Variants in NAV2 observed in about 807,000 individuals in gnomAD.
The protein encoded by NAV2 is helicase, APC down-regulated 1.
In NAV2, 54 loss-of-function variants were observed where a neutral mutation model predicts 223.2. That is an observed-to-expected ratio of 0.24 (90% CI 0.19 to 0.30). The LOEUF is 0.30. NAV2 is among the 10% of genes least tolerant of loss of function. NAV2 has a pLI of 1.00. For missense variants in NAV2, 2,806 were observed against 3,147.5 expected (o/e 0.89, Z 2.60); for synonymous variants, 1,279 against 1,239.3 (o/e 1.03, Z -0.67).
rs1849067694 is a variant in NAV2, at chr11:19,386,980, C to T, written c.75+35953C>T. 3.3e-5 allele frequency among the ~76,000 whole-genome samples: 5 copies of T among 152,248 alleles called. No individual in the cohort carries two copies. In the South Asian group the frequency reaches 1.0e-3, roughly 32 times the overall value. ...CTGGGAGCTGCTTATCAAGGCTACA[C>T]AGGTGGTTACTGCCTGATCCAGGAC... On this transcript the variant is annotated intron_variant, in intron 1 of 37. Transcript: ENST00000360655.
At chr11:19,629,542 GACACACAC>G (rs10604730) in intron 1 of NAV2, among the ~76,000 whole-genome samples, 8 of 134,710 alleles carry the variant, frequency 5.9e-5, no homozygotes, top group African/African-American at 2.1e-4. Flanking sequence ...CTCTCTCTCT[GACACACAC>G]ACACACACAC....
At chr11:19,511,618 C>G (rs189284498) in intron 1 of NAV2, 4 of 152,320 alleles carry the variant, frequency 2.6e-5, no homozygotes, top group Admixed American at 6.5e-5. Flanking sequence ...CTTTCTGGTC[C>G]GTAAAGCCTC....
In NAV2 at chr11:19,693,915, C is replaced by T. The variant is rs948294087; in HGVS notation, c.76-138569C>T. 4.6e-5 allele frequency among the ~76,000 whole-genome samples: 7 copies of T among 152,150 alleles called. No homozygotes were observed. In the East Asian group the frequency reaches 7.7e-4, roughly 17 times the overall value. On this transcript the variant is annotated intron_variant, in intron 1 of 37. Transcript: ENST00000360655. ...ATTGGACTGTAAAATATCATTAGGC[C>T]GATGTATAGGAAATCACCATTTTTG...
chr11:19,747,524 A>T (rs77288021), intron 1 of NAV2, among the ~76,000 whole-genome samples: 1,717 of 152,320 alleles, frequency 0.011, 33 homozygotes, highest in African/African-American at 0.039. Context: ...CTCACACAGG[A>T]CAGTAGTCAG....
intron 24 of NAV2, among the ~76,000 whole-genome samples, chr11:20,079,524 TTAGTC>T (rs1280274426): frequency 6.6e-6 from 1 of 152,178 alleles, no homozygotes; most frequent in Non-Finnish European, 1.5e-5. Flanking sequence ...TCGGTGTTGT[TTAGTC>T]TATTGGGCCT....
rs138224713 is a variant in NAV2 at position 19,751,902 on chromosome 11, G to T, written c.267+37940G>T. 7.2e-3 allele frequency among the ~76,000 whole-genome samples: 1,093 copies of T among 152,124 alleles called. 29 individuals carry two copies. The highest frequency in any genetic ancestry group is 3.8e-3 in the Non-Finnish European group (256 of 67,994). On this transcript the variant is annotated intron_variant, in intron 1 of 37. Transcript: ENST00000349880. The stretch of plus-strand genomic sequence containing the variant: ...ACCTTTCTTAGACTTGACCCAGGTG[G>T]TCAACTACTAGCTCACACATTCACC...
Position 20,085,316 on chromosome 11 carries a change from T to C in NAV2, c.5498+2137T>C, listed in dbSNP as rs1203750382. ...TTCACTCTGAAGGCCCCATTCTCAGTTGTGGTTACGATAAAGTACAACACA... is the reference window on the plus strand; with the variant it reads ...TTCACTCTGAAGGCCCCATTCTCAGCTGTGGTTACGATAAAGTACAACACA... On this transcript the variant is annotated intron_variant, in intron 26 of 37. Transcript: ENST00000349880. 2.6e-5 allele frequency among the ~76,000 whole-genome samples: 4 copies of C among 152,168 alleles called. 1 individual carries two copies. The highest frequency in any genetic ancestry group is 2.6e-4 in the Admixed American group (4 of 15,272).
At chr11:19,667,371 C>CA (rs1230139671) in intron 1 of NAV2, among the ~76,000 whole-genome samples, 1 of 152,160 alleles carries the variant, frequency 6.6e-6, no homozygotes, top group African/African-American at 2.4e-5. Context: ...CAAATAATTA[C>CA]AATGTGTATC....
intron 1 of NAV2, among the ~76,000 whole-genome samples, chr11:19,496,560 G>C (rs929660269): frequency 2.6e-5 from 4 of 152,186 alleles, no homozygotes; most frequent in African/African-American, 9.7e-5. Flanking sequence ...CTTCAAGAAA[G>C]AACAAGGCAG....
At chr11:19,769,209 G>T (rs1301031973) in intron 1 of NAV2, among the ~76,000 whole-genome samples, 3 of 152,228 alleles carry the variant, frequency 2.0e-5, no homozygotes, top group Non-Finnish European at 4.4e-5. Flanking sequence ...TGACCAGGAA[G>T]GAAGCTGTGG....
chr11:19,756,786 C>T (rs978481379), intron 1 of NAV2, among the ~76,000 whole-genome samples: 2 of 152,156 alleles, frequency 1.3e-5, no homozygotes, highest in African/African-American at 4.8e-5. Flanking sequence ...CTGATCAGGG[C>T]GCCAGTTTCT....
At position 19,976,354 on chromosome 11, in the gene NAV2, C is replaced by T. The variant is rs534365161; in HGVS notation, c.2646-7771C>T. Among the ~76,000 whole-genome samples, 3 of 152,234 alleles carry T rather than the reference C, an allele frequency of 2.0e-5. No homozygotes were observed. In the East Asian group the frequency reaches 5.8e-4, roughly 29 times the overall value. On this transcript the variant is annotated intron_variant, in intron 10 of 37. Transcript: ENST00000349880. ...GTGTGTTGAGTTGAGCTGCAGACAG[C>T]GACTCCCACGCTATCTCTTCTGTCT...
intron 36 of NAV2, among the ~76,000 whole-genome samples, chr11:20,112,047 T>G (rs1006595627): frequency 6.6e-6 from 1 of 152,198 alleles, no homozygotes; most frequent in Non-Finnish European, 1.5e-5. Flanking sequence ...AGGGTTTGGT[T>G]CAGCCTCATG....
At chr11:19,431,755 G>C (rs1355886342) in intron 1 of NAV2, among the ~76,000 whole-genome samples, 2 of 152,246 alleles carry the variant, frequency 1.3e-5, no homozygotes, top group African/African-American at 4.8e-5. Flanking sequence ...AGTCTATCAA[G>C]ATGAAATATA....
At chr11:19,846,431 T>G (rs1414657882) in intron 3 of NAV2, among the ~76,000 whole-genome samples, 1 of 152,118 alleles carries the variant, frequency 6.6e-6, no homozygotes, top group Non-Finnish European at 1.5e-5. Context: ...TTGTGCATGC[T>G]TCATCACACA....
chr11:19,465,685 G>A (rs1852325608), intron 1 of NAV2, among the ~76,000 whole-genome samples: 1 of 152,208 alleles, frequency 6.6e-6, no homozygotes, highest in Non-Finnish European at 1.5e-5. Flanking sequence ...AGTCATTTGA[G>A]GATCCACTAT....
rs535236540 is a variant in NAV2, at chr11:19,859,351, T to C, written c.439-9574T>C. Among the ~76,000 whole-genome samples, 1,021 of 149,534 alleles carry C rather than the reference T, an allele frequency of 6.8e-3. 4 individuals are homozygous for C. Among genetic ancestry groups the C allele is most frequent in the Middle Eastern group, 0.017 (5 of 290 alleles). On this transcript the variant is annotated intron_variant, in intron 3 of 37. Transcript: ENST00000349880. ...GGGAGTGGTGATGACTCTTAACGAG[T>C]ATGCTGCCTTCAAGCTTCTGTTTAA...
chr11:20,113,164 A>T (rs146706515), intron 36 of NAV2, among the ~76,000 whole-genome samples: 80 of 152,290 alleles, frequency 5.3e-4, no homozygotes, highest in Non-Finnish European at 9.1e-4. Flanking sequence ...CTTAGTTTCC[A>T]ATTCTGGCTT....
At chr11:20,013,817 G>T (rs1329672173) in intron 11 of NAV2, among the ~76,000 whole-genome samples, 3 of 152,200 alleles carry the variant, frequency 2.0e-5, no homozygotes, top group African/African-American at 7.2e-5. Flanking sequence ...AGATCTAGGG[G>T]TATAGTTTTA....
Sources: allele counts gnomAD v4.1 joint callset (sites outside exome capture counted in the v4.1 genomes callset), GRCh38; gene constraint gnomAD v4.1.1; transcripts MANE v1.5; gene names NCBI Gene and HGNC (gene_info 2026-07-23, HGNC 2026-07-21).